Variants in LSAMP observed in about 807,000 individuals in gnomAD.
The protein encoded by LSAMP is limbic system associated membrane protein, also known as limbic system-associated membrane protein.
Under a neutral mutation model 38.6 loss-of-function variants are expected in LSAMP, and 7 were observed. That is an observed-to-expected ratio of 0.18 (90% CI 0.10 to 0.34). The LOEUF is 0.34. Ranked by LOEUF, LSAMP falls within the 10% of genes least tolerant of loss-of-function variation. LSAMP has a pLI of 1.00. For missense variants in LSAMP, 313 were observed against 420.0 expected, an observed-to-expected ratio of 0.75 and a Z score of 2.23; for synonymous variants, 154 against 166.8, an observed-to-expected ratio of 0.92 and a Z score of 0.59.
chr3:116,151,354 G>A (rs751546293), intron 1 of LSAMP, among the ~76,000 whole-genome samples: 1 of 151,888 alleles, frequency 6.6e-6, no homozygotes, highest in African/African-American at 2.4e-5. Flanking sequence ...CATGTGAGCC[G>A]AACTTTTAAG....
At chr3:116,184,422 T>G (rs991108881) in intron 1 of LSAMP, among the ~76,000 whole-genome samples, 1 of 151,942 alleles carries the variant, frequency 6.6e-6, no homozygotes, top group African/African-American at 2.4e-5. Flanking sequence ...TGGAGGTAAG[T>G]ACAGAAGTTC....
chr3:116,107,261 G>A (rs1708489116), intron 1 of LSAMP, among the ~76,000 whole-genome samples: 1 of 152,198 alleles, frequency 6.6e-6, no homozygotes, highest in South Asian at 2.1e-4. Flanking sequence ...GAGTACAGCT[G>A]AAGGAGCCGG....
intron 3 of LSAMP, among the ~76,000 whole-genome samples, chr3:115,960,862 A>C (rs1319196100): frequency 6.6e-6 from 1 of 152,234 alleles, no homozygotes; most frequent in Non-Finnish European, 1.5e-5. Context: ...TTTCTTTAAA[A>C]ATCCAGCACA....
intron 1 of LSAMP, among the ~76,000 whole-genome samples, chr3:116,223,307 T>C (rs2046309515): frequency 6.6e-6 from 1 of 152,232 alleles, no homozygotes; most frequent in East Asian, 1.9e-4. Flanking sequence ...AAAGTAATTG[T>C]ATTTAGTTCC....
chr3:115,879,778 C>G (rs1027858648), intron 3 of LSAMP, among the ~76,000 whole-genome samples: 4 of 152,044 alleles, frequency 2.6e-5, no homozygotes, highest in African/African-American at 9.7e-5. Flanking sequence ...ACAAAAGAGG[C>G]CTGGGTAAAA....
chr3:115,899,847 TTA>T (rs776131777), intron 3 of LSAMP, among the ~76,000 whole-genome samples: 71 of 152,254 alleles, frequency 4.7e-4, no homozygotes, highest in Admixed American at 1.9e-3. Context: ...GCATCGGAGT[TTA>T]TATTTATTCA....
intron 1 of LSAMP, among the ~76,000 whole-genome samples, chr3:116,208,890 G>A (rs2046110203): frequency 6.6e-6 from 1 of 152,342 alleles, no homozygotes; most frequent in South Asian, 2.1e-4. Flanking sequence ...GGAGCCTACA[G>A]AGGCAGGCAG....
intron 1 of LSAMP, among the ~76,000 whole-genome samples, chr3:116,140,927 G>T (rs1324146488): frequency 6.6e-6 from 1 of 151,970 alleles, no homozygotes; most frequent in African/African-American, 2.4e-5. Flanking sequence ...TAAAAGATCA[G>T]TGGTTTTCTC....
At chr3:116,377,920 G>A (rs1285806325) in intron 1 of LSAMP, among the ~76,000 whole-genome samples, 2 of 151,962 alleles carry the variant, frequency 1.3e-5, no homozygotes, top group Non-Finnish European at 2.9e-5. Flanking sequence ...TTAGAGCCAG[G>A]ATCTCAGTTT....
intron 6 of LSAMP, among the ~76,000 whole-genome samples, chr3:115,811,281 T>C (rs770812679): frequency 2.6e-5 from 4 of 152,022 alleles, no homozygotes; most frequent in Non-Finnish European, 5.9e-5. Context: ...GATAGGAAGC[T>C]GGAGAAGGGG....
At chr3:116,319,012 T>C (rs2047670931) in intron 1 of LSAMP, among the ~76,000 whole-genome samples, 1 of 151,298 alleles carries the variant, frequency 6.6e-6, no homozygotes, top group Non-Finnish European at 1.5e-5. Context: ...GATGGCTTCC[T>C]TTAGTGAGGC....
At chr3:115,880,617 A>T (rs1936296544) in intron 3 of LSAMP, among the ~76,000 whole-genome samples, 2 of 152,182 alleles carry the variant, frequency 1.3e-5, no homozygotes, top group African/African-American at 4.8e-5. Flanking sequence ...TAAGGTCAGG[A>T]TTATGAGTAA....
At chr3:116,221,720 T>C (rs1299701714) in intron 1 of LSAMP, among the ~76,000 whole-genome samples, 1 of 152,104 alleles carries the variant, frequency 6.6e-6, no homozygotes, top group African/African-American at 2.4e-5. Context: ...GTGAAGATCC[T>C]GGTGTCTCAC....
intron 6 of LSAMP, among the ~76,000 whole-genome samples, chr3:115,833,499 G>A (rs923338523): frequency 4.2e-4 from 63 of 151,642 alleles, no homozygotes; most frequent in African/African-American, 1.5e-3. Context: ...TCCTTAGTTC[G>A]AAAATAATTA....
At chr3:115,919,519 T>C (rs1363061278) in intron 3 of LSAMP, among the ~76,000 whole-genome samples, 4 of 152,180 alleles carry the variant, frequency 2.6e-5, no homozygotes, top group Non-Finnish European at 5.9e-5. Flanking sequence ...TGTGTATGTA[T>C]AAATGAGTGT....
At chr3:116,404,888 C>T in intron 1 of LSAMP, among the ~76,000 whole-genome samples, 1 of 152,022 alleles carries the variant, frequency 6.6e-6, no homozygotes, top group Admixed American at 6.6e-5. Flanking sequence ...TTCTCTTCCT[C>T]TAAATGTCTC....
intron 1 of LSAMP, among the ~76,000 whole-genome samples, chr3:116,389,095 A>G (rs2048661466): frequency 6.6e-6 from 1 of 152,166 alleles, no homozygotes; most frequent in South Asian, 2.1e-4. Flanking sequence ...GAGGGATGGG[A>G]AAAAGGTTTT....
intron 1 of LSAMP, among the ~76,000 whole-genome samples, chr3:116,164,761 T>TATCCATATATATATATATATA (rs754064532): frequency 2.4e-5 from 1 of 41,130 alleles, no homozygotes; most frequent in Admixed American, 2.9e-4. Context: ...TATATATATA[T>TATCCATATATATATATATATA]TTTTTTTTTT....
At chr3:116,023,954 T>A (rs1001202536) in intron 2 of LSAMP, among the ~76,000 whole-genome samples, 1 of 152,262 alleles carries the variant, frequency 6.6e-6, no homozygotes, top group Admixed American at 6.5e-5. Context: ...TTTCAACTCT[T>A]CATGCAATTA....
Sources: allele counts gnomAD v4.1 joint callset (sites outside exome capture counted in the v4.1 genomes callset), GRCh38; gene constraint gnomAD v4.1.1; transcripts MANE v1.5; gene names NCBI Gene and HGNC (gene_info 2026-07-23, HGNC 2026-07-21).